The following AK5 variants were observed in gnomAD, a reference collection of about 807,000 sequenced individuals.
AK5 encodes adenylate kinase isoenzyme 5.
In AK5, 27 loss-of-function variants were observed where a neutral mutation model predicts 69.5. That is an observed-to-expected ratio of 0.39 (90% CI 0.29 to 0.54). The LOEUF is 0.54. Ranked by LOEUF, AK5 falls within the 20% of genes least tolerant of loss-of-function variation. The pLI is 0.71. For missense variants in AK5, 531 were observed against 700.4 expected (o/e 0.76, Z 2.73); for synonymous variants, 260 against 244.4 (o/e 1.06, Z -0.60).
At chr1:77,293,583 T>G in intron 2 of AK5, 2 of 419,892 alleles carry the variant, frequency 4.8e-6, no homozygotes, top group Admixed American at 4.5e-5. Flanking sequence ...CATGGCCAAG[T>G]TGAATAGAAA....
chr1:77,496,898 G>A (rs552655741), intron 10 of AK5, among the ~76,000 whole-genome samples: 73 of 152,052 alleles, frequency 4.8e-4, no homozygotes, highest in African/African-American at 1.7e-3. Flanking sequence ...TAATTGGCAC[G>A]CTGTAAAATG....
chr1:77,295,394 T>C (rs1431047699), intron 3 of AK5, among the ~76,000 whole-genome samples: 1 of 152,200 alleles, frequency 6.6e-6, no homozygotes, highest in Non-Finnish European at 1.5e-5. Context: ...AAATTGTAAA[T>C]ATATCTACCT....
chr1:77,475,379 TATATATATGTATATATATA>T (rs774284793), intron 8 of AK5, among the ~76,000 whole-genome samples: 22,387 of 84,748 alleles, frequency 0.26, 4,558 homozygotes, highest in South Asian at 0.44. Context: ...AAATATATAT[TATATATATGTATATATATA>T]ATATATATGT....
chr1:77,298,030 C>T, intron 5 of AK5, 83 bp downstream of exon 5: 1 of 940,266 alleles, frequency 1.1e-6, no homozygotes, highest in Non-Finnish European at 1.6e-6. Flanking sequence ...TCTTGGAAGA[C>T]TTGCGATGCT....
At chr1:77,474,446 A>C (rs1280052296) in intron 8 of AK5, among the ~76,000 whole-genome samples, 1 of 152,234 alleles carries the variant, frequency 6.6e-6, no homozygotes, top group African/African-American at 2.4e-5. Flanking sequence ...GATTGAACAC[A>C]GACATTCATG....
chr1:77,324,723 C>T (rs1660706689), intron 5 of AK5, among the ~76,000 whole-genome samples: 1 of 151,820 alleles, frequency 6.6e-6, no homozygotes, highest in African/African-American at 2.4e-5. Context: ...CTCTACCCTC[C>T]TCCTGGAAGT....
At chr1:77,514,072 A>T (rs1657502921) in intron 10 of AK5, among the ~76,000 whole-genome samples, 1 of 152,174 alleles carries the variant, frequency 6.6e-6, no homozygotes, top group Non-Finnish European at 1.5e-5. Flanking sequence ...TTGGGCGTTC[A>T]CAGTACATGC....
rs76682093 is a variant in AK5 at position 77,455,294 on chromosome 1, G to A, written c.1060-28023G>A. 6.2e-4 allele frequency among the ~76,000 whole-genome samples: 94 copies of A among 152,274 alleles called. No homozygotes were observed. The East Asian group carries it at 0.015, about 25-fold the overall frequency. On this transcript the variant is annotated intron_variant, in intron 8 of 13. Coordinates refer to ENST00000354567, the MANE Select transcript of AK5 (RefSeq NM_174858.3). ...CAATATGACCGTGTTGGGAAGTAAG[G>A]CCTTTGGGAGGTGATTAGGTCGTGA...
At chr1:77,319,640 T>G (rs928492392) in intron 5 of AK5, among the ~76,000 whole-genome samples, 17 of 152,228 alleles carry the variant, frequency 1.1e-4, no homozygotes, top group African/African-American at 4.1e-4. Context: ...TTGTATTTCC[T>G]TAATTTCCAG....
intron 5 of AK5, among the ~76,000 whole-genome samples, chr1:77,328,752 G>A (rs897828055): frequency 1.3e-5 from 2 of 152,206 alleles, no homozygotes; most frequent in African/African-American, 4.8e-5. Context: ...ATTTACTAAA[G>A]TAGTAGAACA....
At chr1:77,493,336 C>A (rs946808815) in intron 10 of AK5, among the ~76,000 whole-genome samples, 1 of 146,630 alleles carries the variant, frequency 6.8e-6, no homozygotes, top group South Asian at 2.1e-4. Flanking sequence ...CAGCCCCCCC[C>A]AGGTTCTCAG....
At chr1:77,558,483 G>GGA in intron 13 of AK5, 119 bp from the exon 14 acceptor site, 2 of 618,316 alleles carry the variant, frequency 3.2e-6, no homozygotes, top group South Asian at 4.2e-5. Flanking sequence ...GTTTTGGGGG[G>GGA]GGTCTTGTGT....
rs577833310 is a variant in AK5 at position 77,494,059 on chromosome 1, C to T, written c.1147+7707C>T. On this transcript the variant is annotated intron_variant, in intron 10 of 13. Transcript: ENST00000354567. ...GTCCTTGCAACACTGCATGACATGG[C>T]AGGAATTTAGGACTCATCTAGAAGG... is the stretch of plus-strand genomic sequence containing the variant. 1.5e-4 allele frequency among the ~76,000 whole-genome samples: 23 copies of T among 152,262 alleles called. No homozygotes were observed. The East Asian group carries it at 1.9e-3, about 13-fold the overall frequency.
intron 6 of AK5, among the ~76,000 whole-genome samples, chr1:77,368,241 A>ATATGT (rs1553140308): frequency 0.16 from 3,749 of 23,270 alleles, 320 homozygotes; most frequent in Middle Eastern, 0.24. Context: ...ATATATATAT[A>ATATGT]TATATATATA....
At chr1:77,307,994 C>T (rs1779177) in intron 5 of AK5, among the ~76,000 whole-genome samples, 134,624 of 152,112 alleles carry the variant, frequency 0.89, 59,925 homozygotes, top group Middle Eastern at 0.97. Context: ...CATCTTGCTC[C>T]GCCTCAGGTG....
Position 77,390,045 on chromosome 1 carries a change from G to A in AK5, c.892-20936G>A, listed in dbSNP as rs947653114. Among the ~76,000 whole-genome samples the A allele has an allele frequency of 2.6e-5, 4 of 152,190 alleles. No homozygotes were observed. The South Asian group carries it at 6.2e-4, about 24-fold the overall frequency. On this transcript the variant is annotated intron_variant, in intron 6 of 13. Transcript: ENST00000354567. ...CAAGCCTTTGGTCTGTCCAAATTCA[G>A]GAGTGAGAAGAGGGTCTCAGCTGGA... is the stretch of plus-strand genomic sequence containing the variant.
intron 8 of AK5, among the ~76,000 whole-genome samples, chr1:77,436,574 A>G (rs1651976087): frequency 6.6e-6 from 1 of 151,864 alleles, no homozygotes; most frequent in Non-Finnish European, 1.5e-5. Flanking sequence ...AATTTGTTTC[A>G]ATATTTTATC....
chr1:77,524,321 T>C (rs1658157689), intron 12 of AK5, among the ~76,000 whole-genome samples: 1 of 152,214 alleles, frequency 6.6e-6, no homozygotes, highest in East Asian at 1.9e-4. Flanking sequence ...CTAGATCATA[T>C]GGTAATTCTA....
At chr1:77,553,646 C>A (rs533270222) in intron 13 of AK5, among the ~76,000 whole-genome samples, 3 of 152,208 alleles carry the variant, frequency 2.0e-5, no homozygotes, top group Non-Finnish European at 2.9e-5. Flanking sequence ...TTGAGTCTGT[C>A]CTCATGGAAC....
Sources: allele counts gnomAD v4.1 joint callset (sites outside exome capture counted in the v4.1 genomes callset), GRCh38; gene constraint gnomAD v4.1.1; transcripts MANE v1.5; gene names NCBI Gene and HGNC (gene_info 2026-07-23, HGNC 2026-07-21).